The following ZMYND8 variants were observed in gnomAD, a reference collection of about 807,000 sequenced individuals.
ZMYND8 encodes the protein zinc finger MYND-type containing 8.
Under a neutral mutation model 140.8 loss-of-function variants are expected in ZMYND8, and 37 were observed. That is an observed-to-expected ratio of 0.26 (90% CI 0.20 to 0.35). ZMYND8 has a LOEUF of 0.35. Ranked by LOEUF, ZMYND8 falls within the 10% of genes least tolerant of loss-of-function variation. The pLI is 1.00. For synonymous variants in ZMYND8, 592 were observed against 597.1 expected (o/e 0.99, Z 0.12); for missense variants, 1,068 against 1,570.0 (o/e 0.68, Z 5.40).
intron 21 of ZMYND8, among the ~76,000 whole-genome samples, chr20:47,213,561 T>A (rs942935011): frequency 2.0e-5 from 3 of 152,178 alleles, no homozygotes; most frequent in African/African-American, 7.2e-5. Context: ...AGAATGCACA[T>A]GTTCTCAACC....
At chr20:47,350,345 A>AAC (rs2082675627) in intron 1 of ZMYND8, among the ~76,000 whole-genome samples, 5 of 146,800 alleles carry the variant, frequency 3.4e-5, no homozygotes, top group African/African-American at 1.0e-4. Context: ...AAAAAAAAAA[A>AAC]AAAAAAACTT....
chr20:47,351,328 C>G (rs1381964719), intron 1 of ZMYND8, among the ~76,000 whole-genome samples: 1 of 152,106 alleles, frequency 6.6e-6, no homozygotes, highest in Non-Finnish European at 1.5e-5. Context: ...AGAAAAATGC[C>G]TGAATACACA....
intron 17 of ZMYND8, 55 bp downstream of exon 17, chr20:47,229,671 A>T: frequency 6.4e-7 from 1 of 1,559,244 alleles, no homozygotes; most frequent in Non-Finnish European, 8.8e-7. Flanking sequence ...TACCACCTTT[A>T]AAGCAGCCCA....
chr20:47,313,360 C>G (rs1000375510), intron 2 of ZMYND8, among the ~76,000 whole-genome samples: 1 of 152,086 alleles, frequency 6.6e-6, no homozygotes, highest in Non-Finnish European at 1.5e-5. Context: ...CAGTGGCTCA[C>G]GCCTGTAATC....
At chr20:47,356,366 C>CT (rs1202253206) in intron 1 of ZMYND8, 131 of 1,411,300 alleles carry the variant, frequency 9.3e-5, no homozygotes, top group Middle Eastern at 2.0e-4. Context: ...AAAAAAGCTT[C>CT]TTTTTTGGCA....
chr20:47,315,583 G>A (rs1035999605), intron 2 of ZMYND8, among the ~76,000 whole-genome samples: 1 of 152,102 alleles, frequency 6.6e-6, no homozygotes, highest in African/African-American at 2.4e-5. Flanking sequence ...ACTGGTGGGT[G>A]TACACCTGAC....
At chr20:47,331,902 C>T (rs1218211989) in intron 2 of ZMYND8, among the ~76,000 whole-genome samples, 1 of 152,148 alleles carries the variant, frequency 6.6e-6, no homozygotes, top group Non-Finnish European at 1.5e-5. Flanking sequence ...GGAATACAGA[C>T]GCTTCTAAGA....
intron 2 of ZMYND8, among the ~76,000 whole-genome samples, chr20:47,311,012 T>C (rs1304410247): frequency 2.6e-5 from 4 of 152,140 alleles, no homozygotes; most frequent in African/African-American, 7.2e-5. Flanking sequence ...CCATGCCTGA[T>C]TGCAAAAGCA....
intron 12 of ZMYND8, among the ~76,000 whole-genome samples, chr20:47,253,084 G>C (rs926267137): frequency 6.6e-6 from 1 of 152,200 alleles, no homozygotes; most frequent in Non-Finnish European, 1.5e-5. Context: ...CCTGAAAGCC[G>C]TAAAATCTGC....
intron 13 of ZMYND8, 74 bp from the exon 14 acceptor site, chr20:47,246,591 T>G: frequency 6.6e-7 from 1 of 1,503,848 alleles, no homozygotes; most frequent in Non-Finnish European, 8.8e-7. Flanking sequence ...GCAAACATTT[T>G]TCCACACCAA....
chr20:47,350,874 G>A (rs2082725717), intron 1 of ZMYND8, among the ~76,000 whole-genome samples: 1 of 152,080 alleles, frequency 6.6e-6, no homozygotes, highest in Admixed American at 6.6e-5. Context: ...TACAGAAAAG[G>A]GTAAAATTAG....
rs761891344 is a variant in ZMYND8 at position 47,246,483 on chromosome 20, G to A, written c.1809C>T (p.Ala603=). 50 of 1,607,224 alleles carry A rather than the reference G, an allele frequency of 3.1e-5. No homozygotes were observed. The highest frequency in any genetic ancestry group is 6.7e-5 in the South Asian group (6 of 89,860). ...INEISEDVYT[A]VEHSDSEDSE... is the part of the protein sequence containing the mutation. ...AATCCTCCGAATCGCTGTGCTCTAC[G>A]GCCGTATAGACATCTTCCGAGATTT... Residue 603 remains alanine (A), a synonymous_variant, in exon 14 of 23, where the codon GCC becomes GCT. Transcript: ENST00000471951.
chr20:47,261,579 TCATCATCATCATC>T (rs1569025790), intron 12 of ZMYND8, among the ~76,000 whole-genome samples: 6 of 151,564 alleles, frequency 4.0e-5, no homozygotes, highest in Middle Eastern at 3.4e-3. Context: ...ATCATCATCA[TCATCATCATCATC>T]ATCCAGGGAA....
At chr20:47,255,036 C>CAGG (rs1161827313) in intron 12 of ZMYND8, among the ~76,000 whole-genome samples, 1 of 152,134 alleles carries the variant, frequency 6.6e-6, no homozygotes, top group Non-Finnish European at 1.5e-5. Context: ...CCCAGCTACT[C>CAGG]AGGAGGCGGA....
chr20:47,226,926 C>T (rs1439779384), intron 18 of ZMYND8, among the ~76,000 whole-genome samples: 4 of 152,058 alleles, frequency 2.6e-5, no homozygotes, highest in Non-Finnish European at 5.9e-5. Context: ...CCTCCCAAAG[C>T]GCTGGAATTA....
At chr20:47,239,276 C>T (rs1180985605) in intron 14 of ZMYND8, 138 bp from the exon 15 acceptor site, 9 of 1,178,376 alleles carry the variant, frequency 7.6e-6, no homozygotes, top group Non-Finnish European at 1.0e-5. Flanking sequence ...CCAAGCACAC[C>T]GCGCTGGAGG....
Position 47,298,231 on chromosome 20 carries a change from A to G in ZMYND8, c.453+498T>C. The stretch of plus-strand genomic sequence containing the variant: ...TGTTTTTGTGCACTGTCGAATTCCC[A>G]GCACCTAATAGGCACTCAAGAAATA... On this transcript the variant is annotated intron_variant, in intron 4 of 22. Coordinates refer to ENST00000471951, the MANE Select transcript of ZMYND8 (RefSeq NM_001281775.3). The surrounding 1 kb of genome is among the most constrained non-coding windows in gnomAD (Gnocchi z 5.0). 1 of 978,456 alleles carries G rather than the reference A, an allele frequency of 1.0e-6. No individual in the cohort carries two copies. The highest frequency in any genetic ancestry group is 1.2e-6 in the Non-Finnish European group (1 of 823,710). 60.6% of individuals were successfully genotyped at this position (978,456 alleles called of 1,614,324 possible). A position where few individuals can be genotyped will look rare whatever the true frequency, so the allele number is the denominator to read the frequency against.
At chr20:47,226,520 A>G (rs1468823591) in intron 18 of ZMYND8, among the ~76,000 whole-genome samples, 2 of 152,170 alleles carry the variant, frequency 1.3e-5, no homozygotes, top group Non-Finnish European at 2.9e-5. Context: ...GATATTGTTA[A>G]AGTGCCTAGC....
chr20:47,316,698 G>C (rs1199526688), intron 2 of ZMYND8, among the ~76,000 whole-genome samples: 2 of 151,876 alleles, frequency 1.3e-5, no homozygotes, highest in African/African-American at 4.8e-5. Flanking sequence ...GGGAGGCTGA[G>C]GCAGGAAAAT....
Sources: allele counts gnomAD v4.1 joint callset (sites outside exome capture counted in the v4.1 genomes callset), GRCh38; gene constraint gnomAD v4.1.1; non-coding constraint Gnocchi (gnomAD v3.1); transcripts MANE v1.5; gene names NCBI Gene and HGNC (gene_info 2026-07-23, HGNC 2026-07-21).